The following CFAP65 variants were observed in gnomAD, a reference collection of about 807,000 sequenced individuals.
The protein encoded by CFAP65 is cilia and flagella associated protein 65.
CFAP65 carries 155 observed loss-of-function variants against 208.0 expected under a neutral mutation model. The ratio of observed to expected loss-of-function variants is 0.75; its 90% CI spans 0.65 to 0.85. CFAP65 has a LOEUF of 0.85. Ranked by LOEUF, CFAP65 falls within the 40% of genes least tolerant of loss-of-function variation. CFAP65 has a pLI of 0.00. For synonymous variants in CFAP65, 970 were observed against 986.3 expected, an observed-to-expected ratio of 0.98 and a Z score of 0.31; for missense variants, 2,294 against 2,451.3, an observed-to-expected ratio of 0.94 and a Z score of 1.36.
Position 219,030,643 on chromosome 2 carries a change from A to T in CFAP65, c.1161+46T>A, listed in dbSNP as rs369980876. ...CAAGGCGGTGATTTTAGGAAATTCC[A>T]ATCCTGGGGGCGTGAGTCCTGCCGC... is the stretch of plus-strand genomic sequence containing the variant. On this transcript the variant is annotated intron_variant, in intron 9 of 34. Transcript: ENST00000341552. 33 of 1,593,274 alleles carry T rather than the reference A, an allele frequency of 2.1e-5. No individual in the cohort carries two copies. In the African/African-American group the frequency reaches 4.3e-4, roughly 21 times the overall value.
At chr2:219,033,302 C>T (rs1202741845) in intron 5 of CFAP65, among the ~76,000 whole-genome samples, 1 of 152,050 alleles carries the variant, frequency 6.6e-6, no homozygotes, top group East Asian at 1.9e-4. Context: ...AAGATGCTGT[C>T]TATACCAAAA....
At chr2:219,026,271 G>C in intron 13 of CFAP65, 112 bp from the exon 14 acceptor site, 1 of 1,152,894 alleles carries the variant, frequency 8.7e-7, no homozygotes, top group Non-Finnish European at 1.2e-6. Flanking sequence ...ATTGGACACA[G>C]ACAGGAGGGC....
At position 219,023,316 on chromosome 2, in the gene CFAP65, C is replaced by A. The variant is rs760496355; in HGVS notation, c.2711G>T (p.Arg904Leu). 6.2e-7 allele frequency: 1 copy of A among 1,612,902 alleles called. No individual in the cohort carries two copies. Among genetic ancestry groups the A allele is most frequent in the Admixed American group, 1.7e-5 (1 of 59,934 alleles). The change falls in exon 16 of 35, where the codon CGC (arginine) becomes CTC (leucine). Residue 904 changes from arginine (R) to leucine (L), a missense_variant. Arg to Leu is a moderately radical substitution (Grantham distance 102). Around this residue, in one of 2 missense-constraint regions of CFAP65, gnomAD observed 1,427 missense variants for 1,438.7 expected, o/e 0.99. Coordinates refer to ENST00000341552, the MANE Select transcript of CFAP65 (RefSeq NM_194302.4). ...CTGCAGGGGCAGACGCGAGGGGTTG[C>A]GGAAGGTGAAGGGGCTGGTGGAGGA... ...GCSSTSPFTF[R>L]NPSRLPLQFE...
upstream of CFAP65, chr2:219,041,539 T>C (rs1226842391): frequency 5.8e-6 from 9 of 1,550,336 alleles, no homozygotes; most frequent in Non-Finnish European, 7.8e-6. Context: ...GGAAACGGCG[T>C]CTTCAGATAT....
In CFAP65 at chr2:219,035,558, C is replaced by A. The variant is rs777145256; in HGVS notation, c.464G>T (p.Gly155Val). The A allele has an allele frequency of 6.8e-6, 11 of 1,613,932 alleles. No individual in the cohort carries two copies. The African/African-American group carries it at 1.3e-4, about 20-fold the overall frequency. The stretch of plus-strand genomic sequence containing the variant: ...TGTGGTCTCCTTTCCTAGCTCCCAG[C>A]CTTTCCAATGCAGCTCCTCAGCCAC... The part of the protein sequence containing the change: ...IEVAEELHWK[G>V]WELGKETTRN... Residue 155 changes from glycine (G) to valine (V), a missense_variant, in exon 5 of 35, where the codon GGC becomes GTC. Physicochemically the swap from Gly to Val is moderately radical, Grantham distance 109 (BLOSUM62 -3). Coordinates refer to ENST00000341552, the MANE Select transcript of CFAP65 (RefSeq NM_194302.4).
Position 219,027,685 on chromosome 2 carries a change from A to G in CFAP65, c.2176T>C (p.Tyr726His). ...HFQPPHPNCL[Y>H]TVELEAFAIY... Reference sequence around the variant, plus strand: ...GCGAAGGCTTCGAGCTCCACCGTGTAAAGGCAGTTGGGGTGAGGCGGCTGG... The same window carrying G: ...GCGAAGGCTTCGAGCTCCACCGTGTGAAGGCAGTTGGGGTGAGGCGGCTGG... The change falls in exon 13 of 35, where the codon TAC becomes CAC. Residue 726 changes from tyrosine (Y) to histidine (H), a missense_variant. Around this residue, in one of 2 missense-constraint regions of CFAP65, gnomAD observed 867 missense variants for 1,012.6 expected, o/e 0.86. Coordinates refer to ENST00000341552, the MANE Select transcript of CFAP65 (RefSeq NM_194302.4). 1.2e-6 allele frequency: 2 copies of G among 1,614,042 alleles called. No homozygotes were observed. Among genetic ancestry groups the G allele is most frequent in the Non-Finnish European group, 1.7e-6 (2 of 1,180,036 alleles).
chr2:219,016,594 C>T (rs1207298851), intron 21 of CFAP65, among the ~76,000 whole-genome samples: 1 of 152,124 alleles, frequency 6.6e-6, no homozygotes, highest in African/African-American at 2.4e-5. Flanking sequence ...CAGGCCTGGC[C>T]CAGTCTCCCT....
At position 219,034,481 on chromosome 2, in the gene CFAP65, T is replaced by C. The variant is rs1169295387; in HGVS notation, c.542+999A>G. On this transcript the variant is annotated intron_variant, in intron 5 of 34. Coordinates refer to ENST00000341552, the MANE Select transcript of CFAP65 (RefSeq NM_194302.4). ...GACCTAGGGGTAGAGAAGGACTTCT[T>C]AGGAGAAGCATAAAAAAGCACCAAT... 2.0e-5 allele frequency: 3 copies of C among 152,154 alleles called. No homozygotes were observed. The East Asian group carries it at 5.8e-4, about 29-fold the overall frequency. The allele number at this position is 152,154 out of a possible 1,614,324, so 9.4% of individuals were successfully genotyped here. A position where few individuals can be genotyped will look rare whatever the true frequency, so the allele number is the denominator to read the frequency against.
rs1462758296 is a variant in CFAP65 at position 219,023,197 on chromosome 2, A to G, written c.2820+10T>C. On this transcript the variant is annotated intron_variant, in intron 16 of 34. Coordinates refer to ENST00000341552, the MANE Select transcript of CFAP65 (RefSeq NM_194302.4). ...GGTTGCCGTCACTCGGCAGGAGGGGAGCCACTCACAAGTCTCTCGTTGGGC... is the reference window on the plus strand; with the variant it reads ...GGTTGCCGTCACTCGGCAGGAGGGGGGCCACTCACAAGTCTCTCGTTGGGC... The G allele has an allele frequency of 1.2e-5, 20 of 1,607,666 alleles. No individual in the cohort carries two copies. The highest frequency in any genetic ancestry group is 1.7e-5 in the Non-Finnish European group (20 of 1,177,276).
chr2:219,004,542 G>C lies in CFAP65; in HGVS notation c.5052-87C>G. The C allele has an allele frequency of 7.0e-7, 1 of 1,438,362 alleles. No individual in the cohort carries two copies. Among genetic ancestry groups the C allele is most frequent in the East Asian group, 2.3e-5 (1 of 43,788 alleles). The allele number at this position is 1,438,362 out of a possible 1,614,324, so 89.1% of individuals were successfully genotyped here. Reference sequence around the variant, plus strand: ...TGGCTTCAGAGCTAGGTTCTAGGTGGGAAAGGGGCTGCTAGGTGGGGAGAG... The same window carrying C: ...TGGCTTCAGAGCTAGGTTCTAGGTGCGAAAGGGGCTGCTAGGTGGGGAGAG... On this transcript the variant is annotated intron_variant, in intron 32 of 34. Coordinates refer to ENST00000341552, the MANE Select transcript of CFAP65 (RefSeq NM_194302.4). The surrounding 1 kb of genome is among the most constrained non-coding windows in gnomAD (Gnocchi z 4.7).
In CFAP65 at chr2:219,009,051, A is replaced by AC; in HGVS notation, c.4669dup (p.Val1557GlyfsTer11). ...GATCTACTCAGCCCTCCTCACCTTC[A>AC]CTTTCATGTCGGTGATGGTGAACTC... On this transcript the variant is annotated frameshift_variant, in exon 29 of 35. Transcript: ENST00000341552. LOFTEE classifies it high-confidence loss of function. 6.2e-7 allele frequency: 1 copy of AC among 1,611,560 alleles called. No individual in the cohort carries two copies. Among genetic ancestry groups the AC allele is most frequent in the South Asian group, 1.1e-5 (1 of 91,052 alleles).
chr2:219,008,947 G>T, intron 29 of CFAP65, 100 bp downstream of exon 29: 1 of 872,866 alleles, frequency 1.1e-6, no homozygotes, highest in Non-Finnish European at 1.9e-6. Context: ...CAGGCTGGCT[G>T]GTTTGGCCTG....
At position 219,004,319 on chromosome 2, in the gene CFAP65, T is replaced by G. The variant is rs775604190; in HGVS notation, c.5188A>C (p.Ile1730Leu). Reference protein sequence around the residue: ...DQKNSLYLMPILPVPSSSWED... With the variant: ...DQKNSLYLMPLLPVPSSSWED... ...CAGCTGCTGGAGGGTACAGGCAGGA[T>G]TGGCATTAAGTACAGGCTGTTTTTC... The change falls in exon 33 of 35, where the codon ATC becomes CTC. Residue 1730 changes from isoleucine to leucine, a missense_variant. Ile to Leu is a conservative substitution (Grantham distance 5). Coordinates refer to ENST00000341552, the MANE Select transcript of CFAP65 (RefSeq NM_194302.4). The surrounding 1 kb of genome is among the most constrained non-coding windows in gnomAD (Gnocchi z 4.7). The G allele has an allele frequency of 6.2e-7, 1 of 1,614,110 alleles. No individual in the cohort carries two copies. Among genetic ancestry groups the G allele is most frequent in the South Asian group, 1.1e-5 (1 of 91,076 alleles).
At chr2:219,024,647 C>T (rs999161918) in intron 14 of CFAP65, among the ~76,000 whole-genome samples, 1 of 152,212 alleles carries the variant, frequency 6.6e-6, no homozygotes, top group Non-Finnish European at 1.5e-5. Context: ...CAGTAAGTAA[C>T]CACTTCGGGC....
At position 219,041,510 on chromosome 2, in the gene CFAP65, C is replaced by T; in HGVS notation, c.-71G>A. The T allele has an allele frequency of 1.9e-6, 3 of 1,550,600 alleles. No individual in the cohort carries two copies. The highest frequency in any genetic ancestry group is 2.6e-6 in the Non-Finnish European group (3 of 1,147,008). ...TACATCGCCTCCATATTGCCGTCTC[C>T]ATAGATACAGGACGCGCAGGAAACG... is the stretch of plus-strand genomic sequence containing the variant. On this transcript the variant is annotated 5_prime_UTR_variant, in exon 1 of 35. The change abolishes an upstream ATG in the 5' untranslated region. Coordinates refer to ENST00000341552, the MANE Select transcript of CFAP65 (RefSeq NM_194302.4).
Position 219,019,195 on chromosome 2 carries a change from A to C in CFAP65, c.3474-16T>G. On this transcript the variant is annotated splice_polypyrimidine_tract_variant and intron_variant, in intron 20 of 34. Transcript: ENST00000341552. ...CTGGCTCATGCTGTGAGGAACAGAGAAAGGGGTTCAGAGATGGGGATGGGG... is the reference window on the plus strand; with the variant it reads ...CTGGCTCATGCTGTGAGGAACAGAGCAAGGGGTTCAGAGATGGGGATGGGG... 2 of 1,603,646 alleles carry C rather than the reference A, an allele frequency of 1.2e-6. No individual in the cohort carries two copies. The highest frequency in any genetic ancestry group is 2.2e-5 in the South Asian group (2 of 89,420).
rs548554204 is a variant in CFAP65 at position 219,020,367 on chromosome 2, A to G, written c.3260-648T>C. On this transcript the variant is annotated intron_variant, in intron 19 of 34. Transcript: ENST00000341552. ...GTGTGACATTATGATCCCCATTTTT[A>G]TTTATTTATTTAATTTCATTTCATT... Among the ~76,000 whole-genome samples, 12 of 151,592 alleles carry G rather than the reference A, an allele frequency of 7.9e-5. No homozygotes were observed. In the South Asian group the frequency reaches 2.3e-3, roughly 29 times the overall value.
At chr2:219,019,264 C>T (rs1205274826) in intron 20 of CFAP65, 85 bp from the exon 21 acceptor site, 9 of 1,485,370 alleles carry the variant, frequency 6.1e-6, no homozygotes, top group Non-Finnish European at 7.3e-6. Flanking sequence ...GGGCACTCCC[C>T]TCCCTCCAAG....
In CFAP65 at chr2:219,032,744, G is replaced by C. The variant is rs1302174360; in HGVS notation, c.543-172C>G. Among the ~76,000 whole-genome samples, 3 of 151,894 alleles carry C rather than the reference G, an allele frequency of 2.0e-5. No homozygotes were observed. Among genetic ancestry groups the C allele is most frequent in the Non-Finnish European group, 2.9e-5 (2 of 68,002 alleles). ...GAAACTCAGGGGTTTGGTCACAAGA[G>C]GACCCACCCTCCTCCTCCCCCTCCT... On this transcript the variant is annotated intron_variant, in intron 5 of 34. Coordinates refer to ENST00000341552, the MANE Select transcript of CFAP65 (RefSeq NM_194302.4). This position sits in a 1 kb window ranked among gnomAD's most constrained non-coding sequence, Gnocchi z 5.5.
Sources: allele counts gnomAD v4.1 joint callset (sites outside exome capture counted in the v4.1 genomes callset), GRCh38; gene constraint gnomAD v4.1.1; regional missense constraint gnomAD v4.1.1; non-coding constraint Gnocchi (gnomAD v3.1); transcripts MANE v1.5; gene names NCBI Gene and HGNC (gene_info 2026-07-23, HGNC 2026-07-21).